Variants in MRE11 observed in about 807,000 individuals in gnomAD.
The protein encoded by MRE11 is MRE11 double strand break repair nuclease, also known as double-strand break repair protein MRE11.
A neutral mutation model predicts 91.7 loss-of-function variants in MRE11; 62 were observed. The ratio of observed to expected loss-of-function variants is 0.68; its 90% CI spans 0.55 to 0.84. The LOEUF is 0.84. MRE11 is among the 40% of genes least tolerant of loss of function. The pLI is 0.00. For synonymous variants in MRE11, 273 were observed against 271.4 expected, an observed-to-expected ratio of 1.01 and a Z score of -0.06; for missense variants, 796 against 852.9, an observed-to-expected ratio of 0.93 and a Z score of 0.83.
upstream of MRE11, chr11:94,497,094 A>G (rs749592548): frequency 1.8e-6 from 2 of 1,098,450 alleles, no homozygotes. Context: ...GAAAGCACAT[A>G]TTAAGCTGCA....
At chr11:94,434,267 C>G (rs1164478954) in intron 18 of MRE11, among the ~76,000 whole-genome samples, 1 of 152,050 alleles carries the variant, frequency 6.6e-6, no homozygotes, top group Non-Finnish European at 1.5e-5. Context: ...TACACTTGCT[C>G]TAACATTAAC....
chr11:94,508,345 G>C, the MRE11 span, among the ~76,000 whole-genome samples: 1 of 152,120 alleles, frequency 6.6e-6, no homozygotes, highest in African/African-American at 2.4e-5. Context: ...CTACTCCAAA[G>C]GGTAGACATG....
chr11:94,509,714 C>T, the MRE11 span, among the ~76,000 whole-genome samples: 1 of 152,184 alleles, frequency 6.6e-6, no homozygotes, highest in African/African-American at 2.4e-5. Context: ...TGCTGGATTA[C>T]AGGCGTGACC....
At position 94,435,534 on chromosome 11, in the gene MRE11, C is replaced by G. The variant is rs113009211; in HGVS notation, c.1994+298G>C. On this transcript the variant is annotated intron_variant, in intron 18 of 19. Coordinates refer to ENST00000323929, the MANE Select transcript of MRE11 (RefSeq NM_005591.4). ...TCGCACTACTGCACTCCAGTCTAGG[C>G]GACAGAATGAGGCACTGTCTCAAAA... Among the ~76,000 whole-genome samples, 2,472 of 151,696 alleles carry G rather than the reference C, an allele frequency of 0.016. 69 individuals carry two copies. The highest frequency in any genetic ancestry group is 0.057 in the African/African-American group (2,374 of 41,298).
At position 94,492,851 on chromosome 11, in the gene MRE11, C is replaced by A; in HGVS notation, c.-50G>T. ...GGGACCAGGTTCTTCTCCAAGAACCCCTGGGTACTGTACTCAAATGTCAGA... is the reference window on the plus strand; with the variant it reads ...GGGACCAGGTTCTTCTCCAAGAACCACTGGGTACTGTACTCAAATGTCAGA... On this transcript the variant is annotated 5_prime_UTR_variant, in exon 2 of 20. Coordinates refer to ENST00000323929, the MANE Select transcript of MRE11 (RefSeq NM_005591.4). The A allele has an allele frequency of 6.5e-7, 1 of 1,534,228 alleles. No individual in the cohort carries two copies. Among genetic ancestry groups the A allele is most frequent in the Non-Finnish European group, 9.0e-7 (1 of 1,108,956 alleles).
intron 7 of MRE11, chr11:94,475,618 C>T: frequency 4.4e-6 from 2 of 455,746 alleles, no homozygotes; most frequent in Non-Finnish European, 8.8e-6. Context: ...CAATCCTATA[C>T]CCTGCCAACA....
At chr11:94,505,463 C>A in the MRE11 span, among the ~76,000 whole-genome samples, 1 of 151,804 alleles carries the variant, frequency 6.6e-6, no homozygotes, top group Non-Finnish European at 1.5e-5. Context: ...ATAAATAATG[C>A]ATATTGAAAA....
At chr11:94,463,990 A>G in intron 11 of MRE11, 123 bp downstream of exon 11, 1 of 1,075,348 alleles carries the variant, frequency 9.3e-7, no homozygotes, top group Admixed American at 2.4e-5. Flanking sequence ...CCCACTGTCA[A>G]TTTGTTTAAG....
chr11:94,420,297 T>G (rs1945136637), intron 19 of MRE11, 116 bp from the exon 20 acceptor site: 2 of 743,356 alleles, frequency 2.7e-6, no homozygotes, highest in African/African-American at 3.5e-5. Context: ...GGATAGACTT[T>G]ATTTTTCTAT....
chr11:94,445,654 C>G (rs1341636127), intron 16 of MRE11, 156 bp downstream of exon 16: 1 of 653,654 alleles, frequency 1.5e-6, no homozygotes, highest in African/African-American at 1.8e-5. Context: ...AACTCTAATG[C>G]ATAGCAAAGA....
chr11:94,507,692 G>A, the MRE11 span, among the ~76,000 whole-genome samples: 1 of 152,026 alleles, frequency 6.6e-6, no homozygotes, highest in Admixed American at 6.6e-5. Flanking sequence ...TGGGCATGTA[G>A]TAATAGCTCA....
chr11:94,451,744 C>A (rs892445244), intron 14 of MRE11, among the ~76,000 whole-genome samples: 2 of 152,104 alleles, frequency 1.3e-5, no homozygotes, highest in African/African-American at 4.8e-5. Context: ...CATGTAATCA[C>A]CAATCATTCC....
chr11:94,507,017 T>C, the MRE11 span, among the ~76,000 whole-genome samples: 3 of 152,208 alleles, frequency 2.0e-5, no homozygotes, highest in Non-Finnish European at 4.4e-5. Context: ...TTTATAGAAC[T>C]ATAGCATACA....
At chr11:94,501,359 A>G in the MRE11 span, among the ~76,000 whole-genome samples, 3 of 152,236 alleles carry the variant, frequency 2.0e-5, no homozygotes, top group African/African-American at 7.2e-5. Context: ...GGACTCATGC[A>G]ATAAGGACAG....
At chr11:94,425,340 C>T (rs1165319728) in intron 19 of MRE11, among the ~76,000 whole-genome samples, 1 of 152,092 alleles carries the variant, frequency 6.6e-6, no homozygotes, top group Non-Finnish European at 1.5e-5. Context: ...ACAAGAGGTC[C>T]TTAATAGAGT....
At chr11:94,426,402 T>C (rs514060) in intron 19 of MRE11, among the ~76,000 whole-genome samples, 105,919 of 151,702 alleles carry the variant, frequency 0.7, 37,185 homozygotes, top group South Asian at 0.77. Flanking sequence ...GAACTAAATG[T>C]CTTCATTAAG....
chr11:94,435,608 GA>G (rs1434964095), intron 18 of MRE11, among the ~76,000 whole-genome samples: 1 of 151,876 alleles, frequency 6.6e-6, no homozygotes, highest in African/African-American at 2.4e-5. Flanking sequence ...AAGTCAAAAG[GA>G]AAAAAATTAC....
chr11:94,471,444 A>G, intron 8 of MRE11, 130 bp downstream of exon 8: 1 of 850,188 alleles, frequency 1.2e-6, no homozygotes, highest in Non-Finnish European at 1.8e-6. Context: ...AATTTTCAAA[A>G]ATAAAGCTAT....
chr11:94,447,026 TTCAAAA>T, intron 15 of MRE11, among the ~76,000 whole-genome samples, 187 bp downstream of exon 15: 1 of 152,342 alleles, frequency 6.6e-6, no homozygotes, highest in African/African-American at 2.4e-5. Context: ...CATGTGGCCA[TTCAAAA>T]TTTATTTAAG....
Sources: gnomAD v4.1 joint callset for allele counts (sites outside exome capture counted in the v4.1 genomes callset) on GRCh38, gnomAD v4.1.1 for gene constraint, MANE v1.5 for transcripts, NCBI Gene and HGNC (gene_info 2026-07-23, HGNC 2026-07-21) for gene names.